Variants in CEP70 observed in about 807,000 individuals in gnomAD.
CEP70 encodes the protein centrosomal protein 70.
A neutral mutation model predicts 90.9 loss-of-function variants in CEP70; 70 were observed. The ratio of observed to expected loss-of-function variants is 0.77; its 90% CI spans 0.64 to 0.94. CEP70 has a LOEUF of 0.94. CEP70 is among the 40% of genes least tolerant of loss of function. CEP70 has a pLI of 0.00. For missense variants in CEP70, 648 were observed against 669.0 expected (o/e 0.97, Z 0.35); for synonymous variants, 220 against 228.3 (o/e 0.96, Z 0.33).
chr3:138,497,586 T>G (rs1428801998), intron 17 of CEP70: 1 of 953,774 alleles, frequency 1.0e-6, no homozygotes, highest in African/African-American at 1.8e-5. Context: ...ATCTTTTCCT[T>G]TCCACAGATA....
intron 16 of CEP70, among the ~76,000 whole-genome samples, chr3:138,499,554 T>C (rs1442197240): frequency 6.6e-6 from 1 of 152,212 alleles, no homozygotes; most frequent in Admixed American, 6.5e-5. Flanking sequence ...TTTATAGGCC[T>C]TACAATCTAT....
intron 6 of CEP70, among the ~76,000 whole-genome samples, chr3:138,557,464 T>C (rs1460341001): frequency 6.6e-6 from 1 of 152,192 alleles, no homozygotes; most frequent in Non-Finnish European, 1.5e-5. Context: ...CCATGAAATC[T>C]TCACAATTTA....
intron 6 of CEP70, among the ~76,000 whole-genome samples, chr3:138,566,003 A>C (rs1290170920): frequency 6.6e-6 from 1 of 152,220 alleles, no homozygotes; most frequent in Non-Finnish European, 1.5e-5. Flanking sequence ...ACCCCATCAA[A>C]AAGTGGGTGA....
intron 2 of CEP70, among the ~76,000 whole-genome samples, chr3:138,575,954 C>T (rs1246478070): frequency 2.0e-5 from 3 of 152,120 alleles, no homozygotes; most frequent in African/African-American, 7.2e-5. Flanking sequence ...GAAGGAAGCA[C>T]TAAACATGGA....
chr3:138,572,861 G>GT lies in CEP70; in HGVS notation c.66dup (p.Gln23ThrfsTer37). The GT allele has an allele frequency of 6.3e-7, 1 of 1,588,268 alleles. No individual in the cohort carries two copies. The highest frequency in any genetic ancestry group is 2.2e-5 in the East Asian group (1 of 44,704). On this transcript the variant is annotated frameshift_variant, in exon 3 of 18. Transcript: ENST00000264982. LOFTEE classifies it high-confidence loss of function. Reference sequence around the variant, plus strand: ...GTCTTAAAATATTTTAAGTTTACCTGTTTTTCAGTCATGAGTCTGTCTGAT... The same window carrying GT: ...GTCTTAAAATATTTTAAGTTTACCTGTTTTTTCAGTCATGAGTCTGTCTGAT...
chr3:138,495,016 C>A lies in CEP70; in HGVS notation c.1793G>T (p.Ter598LeuextTer14). ...CAGTAAAAATGATTTGATTTGTTTT[C>A]AGTATGAAAGTACTTTTAATTTCTT... ...AVKKLKVLSY* is the reference protein window; with the variant it reads ...AVKKLKVLSYL Residue 598 changes from the stop codon to leucine, a stop_lost, in exon 18 of 18, where the codon TGA becomes TTA. Transcript: ENST00000264982. The A allele has an allele frequency of 7.0e-7, 1 of 1,430,626 alleles. No individual in the cohort carries two copies. The highest frequency in any genetic ancestry group is 1.2e-5 in the South Asian group (1 of 84,458). The allele number at this position is 1,430,626 out of a possible 1,614,324, so 88.6% of individuals were successfully genotyped here. A position where few individuals can be genotyped will look rare whatever the true frequency, so the allele number is the denominator to read the frequency against.
chr3:138,585,458 T>C (rs12487652), intron 2 of CEP70, among the ~76,000 whole-genome samples: 68,732 of 152,018 alleles, frequency 0.45, 17,272 homozygotes, highest in Admixed American at 0.6. Flanking sequence ...TGTTAAAATA[T>C]CTATATTACT....
At chr3:138,519,257 T>C (rs1386697821) in intron 11 of CEP70, among the ~76,000 whole-genome samples, 2 of 148,646 alleles carry the variant, frequency 1.3e-5, no homozygotes, top group Non-Finnish European at 3.0e-5. Flanking sequence ...GAAAACACTC[T>C]GCAGTATATT....
intron 6 of CEP70, among the ~76,000 whole-genome samples, chr3:138,559,232 G>A (rs2040225102): frequency 6.6e-6 from 1 of 152,052 alleles, no homozygotes; most frequent in African/African-American, 2.4e-5. Context: ...GAAAGACATA[G>A]GGTAGTCAAT....
intron 12 of CEP70, 116 bp from the exon 13 acceptor site, chr3:138,505,581 T>C (rs1194807161): frequency 3.5e-6 from 2 of 568,428 alleles, no homozygotes; most frequent in East Asian, 3.5e-5. Flanking sequence ...TCATTAAATA[T>C]ACAAAGAAAA....
chr3:138,570,410 T>C lies in CEP70; in HGVS notation c.373A>G (p.Lys125Glu). ...LEQIMESVKS[K>E]IGELEDESLS... ...GATTCATCCTCCAATTCACCAATTT[T>C]GGATTTCACACTTTCCATAATTTGT... is the stretch of plus-strand genomic sequence containing the variant. Residue 125 changes from lysine (K) to glutamate (E), a missense_variant, in exon 6 of 18, where the codon AAA becomes GAA. Coordinates refer to ENST00000264982, the MANE Select transcript of CEP70 (RefSeq NM_024491.4). 6.2e-7 allele frequency: 1 copy of C among 1,610,044 alleles called. No homozygotes were observed. Among genetic ancestry groups the C allele is most frequent in the East Asian group, 2.2e-5 (1 of 44,554 alleles).
intron 6 of CEP70, among the ~76,000 whole-genome samples, chr3:138,569,938 C>A (rs1027173761): frequency 1.6e-4 from 24 of 152,118 alleles, no homozygotes; most frequent in African/African-American, 5.8e-4. Flanking sequence ...ATCAAGTAGG[C>A]AGCTGGATAT....
intron 11 of CEP70, among the ~76,000 whole-genome samples, chr3:138,517,451 C>T (rs1251000280): frequency 6.7e-6 from 1 of 148,466 alleles, no homozygotes; most frequent in Admixed American, 6.7e-5. Flanking sequence ...GGGTGGATCA[C>T]GAGGTCAGGA....
intron 6 of CEP70, among the ~76,000 whole-genome samples, chr3:138,553,018 CA>C (rs2039730843): frequency 6.6e-6 from 1 of 152,074 alleles, no homozygotes; most frequent in Admixed American, 6.6e-5. Flanking sequence ...CACAGAAATA[CA>C]AAAGATCATT....
rs146572731 is a variant in CEP70, at chr3:138,529,375, C to T, written c.780G>A (p.Met260Ile). 3.1e-6 allele frequency: 5 copies of T among 1,600,098 alleles called. No individual in the cohort carries two copies. The highest frequency in any genetic ancestry group is 1.3e-5 in the African/African-American group (1 of 74,232). ...TTTATTAGTTATGCAGTCCCCATAC[C>T]ATTAAAAGGCCTTTATAAGTTGGTG... is the stretch of plus-strand genomic sequence containing the variant. ...DASPTYKGLL[M>I]SLQNQLKESK... Residue 260 changes from methionine to isoleucine, a missense_variant and splice_region_variant, in exon 9 of 18, where the codon ATG becomes ATA. Met to Ile is a conservative substitution (Grantham distance 10). Coordinates refer to ENST00000264982, the MANE Select transcript of CEP70 (RefSeq NM_024491.4).
At chr3:138,498,364 G>T (rs2034141715) in intron 16 of CEP70, among the ~76,000 whole-genome samples, 1 of 142,678 alleles carries the variant, frequency 7.0e-6, no homozygotes, top group African/African-American at 2.6e-5. Flanking sequence ...TTGAGACAGA[G>T]TCTTGCTCTG....
intron 8 of CEP70, 41 bp downstream of exon 8, chr3:138,532,473 G>A: frequency 6.9e-7 from 1 of 1,453,194 alleles, no homozygotes; most frequent in Non-Finnish European, 9.1e-7. Context: ...GTGAATACTG[G>A]ATTAAAACCT....
chr3:138,579,196 C>T (rs1429281744), intron 2 of CEP70, among the ~76,000 whole-genome samples: 2 of 152,120 alleles, frequency 1.3e-5, no homozygotes, highest in African/African-American at 2.4e-5. Context: ...AATCACCCAT[C>T]CCAGTAGTCA....
chr3:138,531,281 C>G (rs146455673), intron 8 of CEP70, among the ~76,000 whole-genome samples: 2 of 152,106 alleles, frequency 1.3e-5, no homozygotes, highest in Non-Finnish European at 2.9e-5. Context: ...CAGAACTCTA[C>G]AAGTACCTCT....
Sources: gnomAD v4.1 joint callset for allele counts (sites outside exome capture counted in the v4.1 genomes callset) on GRCh38, gnomAD v4.1.1 for gene constraint, MANE v1.5 for transcripts, NCBI Gene and HGNC (gene_info 2026-07-23, HGNC 2026-07-21) for gene names.